IL20RA: variants seen among roughly 807,000 people sequenced by gnomAD.
IL20RA encodes interleukin-20 receptor subunit alpha.
In IL20RA, 29 loss-of-function variants were observed where a neutral mutation model predicts 36.5. That is an observed-to-expected ratio of 0.79 (90% CI 0.59 to 1.08). The LOEUF is 1.08. Among genes scored for constraint, IL20RA ranks in the 50% least tolerant of loss-of-function variants. The pLI is 0.00. For synonymous variants in IL20RA, 279 were observed against 267.1 expected, an observed-to-expected ratio of 1.04 and a Z score of -0.43; for missense variants, 652 against 668.4, an observed-to-expected ratio of 0.98 and a Z score of 0.27.
Position 137,009,353 on chromosome 6 carries a change from A to G in IL20RA, c.543T>C (p.Tyr181=). ...ATTTAGTATTCAACACAGACACGTTATACTTCAGATTGGAGTATATTTGTT... is the reference window on the plus strand; with the variant it reads ...ATTTAGTATTCAACACAGACACGTTGTACTTCAGATTGGAGTATATTTGTT... The part of the protein sequence containing the change: ...SMQQIYSNLK[Y]NVSVLNTKSN... The change falls in exon 4 of 7, where the codon TAT becomes TAC. Residue 181 remains tyrosine (Y), a synonymous_variant. Transcript: ENST00000316649. 1 of 1,613,802 alleles carries G rather than the reference A, an allele frequency of 6.2e-7. No homozygotes were observed. The highest frequency in any genetic ancestry group is 8.5e-7 in the Non-Finnish European group (1 of 1,179,724).
At chr6:137,035,105 C>T (rs896281960) in intron 1 of IL20RA, among the ~76,000 whole-genome samples, 4 of 151,900 alleles carry the variant, frequency 2.6e-5, no homozygotes, top group African/African-American at 7.3e-5. Context: ...GTGTATATTA[C>T]CACATTTTTA....
Position 137,035,429 on chromosome 6 carries a change from A to G in IL20RA, c.88+9212T>C, listed in dbSNP as rs182759183. The stretch of plus-strand genomic sequence containing the variant: ...ATTATTAGATCAGGTGTCTTATCCT[A>G]TGCTTCTAAAGAAACTGTTTTCCTC... On this transcript the variant is annotated intron_variant, in intron 1 of 6. Coordinates refer to ENST00000316649, the MANE Select transcript of IL20RA (RefSeq NM_014432.4). Among the ~76,000 whole-genome samples, 243 of 152,338 alleles carry G rather than the reference A, an allele frequency of 1.6e-3. 1 individual carries two copies. Among genetic ancestry groups the G allele is most frequent in the Non-Finnish European group, 2.6e-3 (175 of 68,026 alleles).
intron 2 of IL20RA, among the ~76,000 whole-genome samples, chr6:137,012,456 C>T (rs1775533613): frequency 6.6e-6 from 1 of 152,066 alleles, no homozygotes; most frequent in Non-Finnish European, 1.5e-5. Context: ...GATGGGGAGG[C>T]AGAGCAGGAG....
At chr6:137,021,825 TACTA>T (rs140799) in intron 1 of IL20RA, among the ~76,000 whole-genome samples, 124,573 of 151,872 alleles carry the variant, frequency 0.82, 56,429 homozygotes, top group East Asian at 1. Context: ...CGCTAATACT[TACTA>T]AATCCTTACC....
chr6:137,031,914 G>A (rs1225838224), intron 1 of IL20RA, among the ~76,000 whole-genome samples: 1 of 151,516 alleles, frequency 6.6e-6, no homozygotes, highest in African/African-American at 2.4e-5. Context: ...AGTCGGTCGT[G>A]GCAGCGCACG....
intron 2 of IL20RA, among the ~76,000 whole-genome samples, chr6:137,013,722 C>G (rs1405275111): frequency 6.6e-6 from 1 of 152,144 alleles, no homozygotes; most frequent in African/African-American, 2.4e-5. Flanking sequence ...AAACTTCACT[C>G]AAAAGTATAA....
At chr6:137,036,526 A>G (rs1776499629) in intron 1 of IL20RA, among the ~76,000 whole-genome samples, 1 of 152,180 alleles carries the variant, frequency 6.6e-6, no homozygotes, top group South Asian at 2.1e-4. Flanking sequence ...CTTCTGGAAG[A>G]CTATGTGAAG....
At chr6:137,015,041 T>G (rs1184626263) in intron 2 of IL20RA, among the ~76,000 whole-genome samples, 1 of 152,234 alleles carries the variant, frequency 6.6e-6, no homozygotes, top group Non-Finnish European at 1.5e-5. Flanking sequence ...TTCTGTTGAG[T>G]GTTGCCAGAT....
At chr6:137,025,838 G>A (rs894182446) in intron 1 of IL20RA, among the ~76,000 whole-genome samples, 1 of 152,126 alleles carries the variant, frequency 6.6e-6, no homozygotes, top group African/African-American at 2.4e-5. Flanking sequence ...CTTTTTAGTT[G>A]TACTCAAGGA....
chr6:137,001,680 C>T lies in IL20RA; in HGVS notation c.1540G>A (p.Glu514Lys), dbSNP rs1775039730. 6.2e-7 allele frequency: 1 copy of T among 1,614,072 alleles called. No individual in the cohort carries two copies. Among genetic ancestry groups the T allele is most frequent in the Non-Finnish European group, 8.5e-7 (1 of 1,180,028 alleles). The change falls in exon 7 of 7, where the codon GAG (glutamate) becomes AAG (lysine). Residue 514 changes from glutamate to lysine, a missense_variant. Physicochemically the swap from Glu to Lys is moderately conservative, Grantham distance 56. Coordinates refer to ENST00000316649, the MANE Select transcript of IL20RA (RefSeq NM_014432.4). Reference sequence around the variant, plus strand: ...TAGAGTCTAGATAGAAGACCCTCCTCTCCGAGCCCATCCCCCTCAGAAGGC... The same window carrying T: ...TAGAGTCTAGATAGAAGACCCTCCTTTCCGAGCCCATCCCCCTCAGAAGGC... ...CEPSEGDGLGEEGLLSRLYEE... is the reference protein window; with the variant it reads ...CEPSEGDGLGKEGLLSRLYEE...
At chr6:137,028,126 T>C (rs1776156220) in intron 1 of IL20RA, among the ~76,000 whole-genome samples, 2 of 151,860 alleles carry the variant, frequency 1.3e-5, no homozygotes, top group Admixed American at 6.6e-5. Context: ...AGGACAGAAA[T>C]AGACAGAAGG....
Position 137,001,756 on chromosome 6 carries a change from C to T in IL20RA, c.1464G>A (p.Arg488=). Residue 488 remains arginine (R), a synonymous_variant, in exon 7 of 7, where the codon AGG becomes AGA. Coordinates refer to ENST00000316649, the MANE Select transcript of IL20RA (RefSeq NM_014432.4). The part of the protein sequence containing the change: ...TLVDWDPQTG[R]LCIPSLSSFD... ...AGCTGGACAGCGAAGGAATACACAG[C>T]CTGCCAGTTTGGGGATCCCAGTCGA... 6.2e-7 allele frequency: 1 copy of T among 1,612,354 alleles called. No homozygotes were observed. Among genetic ancestry groups the T allele is most frequent in the Non-Finnish European group, 8.5e-7 (1 of 1,178,796 alleles).
chr6:137,044,817 T>C lies in IL20RA; in HGVS notation c.-89A>G. The C allele has an allele frequency of 8.7e-7, 1 of 1,143,812 alleles. No individual in the cohort carries two copies. The highest frequency in any genetic ancestry group is 1.1e-6 in the Non-Finnish European group (1 of 917,586). 70.9% of individuals were successfully genotyped at this position (1,143,812 alleles called of 1,614,324 possible). A position where few individuals can be genotyped will look rare whatever the true frequency, so the allele number is the denominator to read the frequency against. On this transcript the variant is annotated 5_prime_UTR_variant, in exon 1 of 7. Coordinates refer to ENST00000316649, the MANE Select transcript of IL20RA (RefSeq NM_014432.4). ...CCAAGCGCGGCCGCGCGGCCTCAGC[T>C]CCGCGCCTGGGGCTCTGCGTGCCAC...
chr6:137,037,516 G>T (rs547804088), intron 1 of IL20RA, among the ~76,000 whole-genome samples: 2 of 152,296 alleles, frequency 1.3e-5, no homozygotes, highest in East Asian at 3.9e-4. Context: ...GAGTTTGAAT[G>T]AGGGTCTGTG....
chr6:137,022,800 G>A (rs276482), intron 1 of IL20RA, among the ~76,000 whole-genome samples: 124,834 of 152,064 alleles, frequency 0.82, 56,568 homozygotes, highest in East Asian at 1. Context: ...AAGACACAGA[G>A]ACACAAGGAG....
rs138500213 is a variant in IL20RA at position 137,005,903 on chromosome 6, C to T, written c.725-1143G>A. Among the ~76,000 whole-genome samples, 41 of 152,284 alleles carry T rather than the reference C, an allele frequency of 2.7e-4. No homozygotes were observed. In the East Asian group the frequency reaches 3.7e-3, roughly 14 times the overall value. ...ATAAATTCGGACTTGCCAGCCTCTA[C>T]GATCCTGTGAGCCAACGCCTTAAAA... On this transcript the variant is annotated intron_variant, in intron 5 of 6. Coordinates refer to ENST00000316649, the MANE Select transcript of IL20RA (RefSeq NM_014432.4).
chr6:137,005,345 G>T (rs546818188), intron 5 of IL20RA, among the ~76,000 whole-genome samples: 3 of 152,296 alleles, frequency 2.0e-5, no homozygotes, highest in Non-Finnish European at 2.9e-5. Context: ...GCTGGACAGG[G>T]TGCAGTGCGA....
At position 137,001,930 on chromosome 6, in the gene IL20RA, T is replaced by C. The variant is rs1775069705; in HGVS notation, c.1290A>G (p.Thr430=). 1 of 1,614,168 alleles carries C rather than the reference T, an allele frequency of 6.2e-7. No homozygotes were observed. The highest frequency in any genetic ancestry group is 8.5e-7 in the Non-Finnish European group (1 of 1,180,036). Residue 430 remains threonine, a synonymous_variant, in exon 7 of 7, where the codon ACA becomes ACG. Transcript: ENST00000316649. ...CCAACGCTGCCTGCGACTCCAATAA[T>C]GTTCCTTGTGTGGACACCTCCTCCT... ...SLQEEVSTQG[T]LLESQAALAV...
chr6:137,005,510 T>C (rs17065963), intron 5 of IL20RA, among the ~76,000 whole-genome samples: 4,298 of 152,238 alleles, frequency 0.028, 211 homozygotes, highest in African/African-American at 0.097. Context: ...CTAGAGCTCA[T>C]TGTGACTAGC....
Sources: allele counts gnomAD v4.1 joint callset (sites outside exome capture counted in the v4.1 genomes callset), GRCh38; gene constraint gnomAD v4.1.1; transcripts MANE v1.5; gene names NCBI Gene and HGNC (gene_info 2026-07-23, HGNC 2026-07-21).